The following FCHSD1 variants were observed in gnomAD, a reference collection of about 807,000 sequenced individuals.
The protein encoded by FCHSD1 is F-BAR and double SH3 domains protein 1.
In FCHSD1, 109 loss-of-function variants were observed where a neutral mutation model predicts 101.3. The observed-to-expected ratio is 1.08, with a 90% CI of 0.92 to 1.26. The LOEUF is 1.26. Ranked by LOEUF, FCHSD1 falls within the 50% of genes most tolerant of loss-of-function variation. FCHSD1 has a pLI of 0.00. For synonymous variants in FCHSD1, 291 were observed against 356.8 expected, an observed-to-expected ratio of 0.82 and a Z score of 2.08; for missense variants, 820 against 895.8, an observed-to-expected ratio of 0.92 and a Z score of 1.08.
Position 141,647,182 on chromosome 5 carries a change from A to G in FCHSD1, c.877T>C (p.Phe293Leu), listed in dbSNP as rs1432195146. 3.1e-6 allele frequency: 5 copies of G among 1,609,990 alleles called. No homozygotes were observed. Among genetic ancestry groups the G allele is most frequent in the East Asian group, 4.5e-5 (2 of 44,836 alleles). ...LKLFLQEPGV[F>L]SPTPPQQFQP... is the part of the protein sequence containing the mutation. ...AACTGCTGAGGTGGGGTGGGGGAAA[A>G]TACACCAGGCTCCTGAAGAAACAGC... Residue 293 changes from phenylalanine to leucine, a missense_variant, in exon 10 of 20, where the codon TTT (phenylalanine) becomes CTT (leucine). By Grantham distance (22) the Phe-to-Leu change is conservative. Transcript: ENST00000435817.
In FCHSD1 at chr5:141,645,756, G is replaced by C; in HGVS notation, c.1311+15C>G. 1 of 1,608,030 alleles carries C rather than the reference G, an allele frequency of 6.2e-7. No homozygotes were observed. The highest frequency in any genetic ancestry group is 8.5e-7 in the Non-Finnish European group (1 of 1,176,610). ...CTTCTAAGTAAGGATGGGTAGTGTT[G>C]GGGGAGGAGCTCACGGTTGGAGAGA... On this transcript the variant is annotated intron_variant, in intron 13 of 19. Transcript: ENST00000435817.
chr5:141,649,547 A>G lies in FCHSD1; in HGVS notation c.234-11T>C. The G allele has an allele frequency of 1.9e-6, 3 of 1,609,436 alleles. No homozygotes were observed. Among genetic ancestry groups the G allele is most frequent in the Non-Finnish European group, 1.7e-6 (2 of 1,178,620 alleles). On this transcript the variant is annotated splice_polypyrimidine_tract_variant and intron_variant, in intron 4 of 19. Transcript: ENST00000435817. The surrounding 1 kb of genome is among the most constrained non-coding windows in gnomAD (Gnocchi z 4.1). ...AACACTGTCCTGCCCCTCCCCAGAG[A>G]AGGTCTGTGTTGAGGAGGAGAGCAC...
intron 17 of FCHSD1, among the ~76,000 whole-genome samples, chr5:141,643,368 G>T (rs556582702): frequency 1.3e-4 from 20 of 152,116 alleles, no homozygotes; most frequent in Non-Finnish European, 2.9e-4. Context: ...TTAATAATAT[G>T]ACTCCTATGT....
chr5:141,644,080 A>C, intron 17 of FCHSD1, 138 bp downstream of exon 17: 1 of 807,694 alleles, frequency 1.2e-6, no homozygotes, highest in Non-Finnish European at 1.9e-6. Flanking sequence ...GCCCCCCCAT[A>C]GGAGATGGGA....
intron 13 of FCHSD1, among the ~76,000 whole-genome samples, chr5:141,645,557 C>A (rs944112201): frequency 1.3e-5 from 2 of 152,196 alleles, no homozygotes; most frequent in African/African-American, 4.8e-5. Flanking sequence ...CCCCAGAACC[C>A]TACTTCTTAA....
rs1260276502 is a variant in FCHSD1 at position 141,649,006 on chromosome 5, T to A, written c.527A>T (p.Asp176Val). The A allele has an allele frequency of 1.2e-6, 2 of 1,613,964 alleles. No individual in the cohort carries two copies. Among genetic ancestry groups the A allele is most frequent in the Admixed American group, 3.3e-5 (2 of 60,014 alleles). Reference protein sequence around the residue: ...ADVQARLNRSDHGIFHSRTSL... With the variant: ...ADVQARLNRSVHGIFHSRTSL... ...GGTCCGAGAGTGGAAGATCCCATGG[T>A]CACTTCGGTTTAGCCTGTGCAGATG... The change falls in exon 7 of 20, where the codon GAC becomes GTC. Residue 176 changes from aspartate to valine, a missense_variant. Asp to Val is a radical substitution (Grantham distance 152, BLOSUM62 -3). Coordinates refer to ENST00000435817, the MANE Select transcript of FCHSD1 (RefSeq NM_033449.3). The surrounding 1 kb of genome is among the most constrained non-coding windows in gnomAD (Gnocchi z 4.1).
In FCHSD1 at chr5:141,639,451, C is replaced by G; in HGVS notation, c.*2047G>C. On this transcript the variant is annotated 3_prime_UTR_variant, in exon 20 of 20. Transcript: ENST00000435817. This position sits in a 1 kb window ranked among gnomAD's most constrained non-coding sequence, Gnocchi z 4.4. ...GAAATGTTACCCTCACTCCCCTCCTCCCTGCTGTCCAGTGTGGATGCCACC... is the reference window on the plus strand; with the variant it reads ...GAAATGTTACCCTCACTCCCCTCCTGCCTGCTGTCCAGTGTGGATGCCACC... 1 of 1,590,286 alleles carries G rather than the reference C, an allele frequency of 6.3e-7. No individual in the cohort carries two copies. Among genetic ancestry groups the G allele is most frequent in the Non-Finnish European group, 8.6e-7 (1 of 1,165,340 alleles).
intron 18 of FCHSD1, 170 bp from the exon 19 acceptor site, chr5:141,641,927 C>T (rs550527850): frequency 3.0e-5 from 21 of 703,496 alleles, no homozygotes; most frequent in Admixed American, 4.7e-5. Context: ...TGGGCAACTG[C>T]TGTATAATCA....
At position 141,649,438 on chromosome 5, in the gene FCHSD1, G is replaced by A. The variant is rs752792352; in HGVS notation, c.332C>T (p.Ala111Val). The change falls in exon 5 of 20, where the codon GCA (alanine) becomes GTA (valine). Residue 111 changes from alanine to valine, a missense_variant. Physicochemically the swap from Ala to Val is moderately conservative, Grantham distance 64. Coordinates refer to ENST00000435817, the MANE Select transcript of FCHSD1 (RefSeq NM_033449.3). The surrounding 1 kb of genome is among the most constrained non-coding windows in gnomAD (Gnocchi z 4.1). ...CTTGGCGCTCCGCCCTGTACCCCCTGCTAGGTCACGGTATCGGTCAGACGC... is the reference window on the plus strand; with the variant it reads ...CTTGGCGCTCCGCCCTGTACCCCCTACTAGGTCACGGTATCGGTCAGACGC... ...LQASDRYRDL[A>V]GGTGRSAKEQ... 31 of 1,613,880 alleles carry A rather than the reference G, an allele frequency of 1.9e-5. No homozygotes were observed. The Admixed American group carries it at 3.7e-4, about 19-fold the overall frequency.
intron 12 of FCHSD1, 73 bp from the exon 13 acceptor site, chr5:141,646,005 C>T (rs879226840): frequency 1.3e-6 from 2 of 1,540,090 alleles, no homozygotes; most frequent in Non-Finnish European, 8.8e-7. Context: ...TCCCTTCCTT[C>T]CTCCCACCAT....
Position 141,641,052 on chromosome 5 carries a change from G to A in FCHSD1, c.*446C>T, listed in dbSNP as rs1018129244. 10 of 335,582 alleles carry A rather than the reference G, an allele frequency of 3.0e-5. No individual in the cohort carries two copies. The highest frequency in any genetic ancestry group is 2.0e-4 in the East Asian group (4 of 20,490). 20.8% of individuals were successfully genotyped at this position (335,582 alleles called of 1,614,324 possible). A position where few individuals can be genotyped will look rare whatever the true frequency, so the allele number is the denominator to read the frequency against. ...CCCTTTATTCATTGTCAATAAATCCGCTCAGACCATTACAGCTGCTTCGCA... is the reference window on the plus strand; with the variant it reads ...CCCTTTATTCATTGTCAATAAATCCACTCAGACCATTACAGCTGCTTCGCA... On this transcript the variant is annotated 3_prime_UTR_variant, in exon 20 of 20. Coordinates refer to ENST00000435817, the MANE Select transcript of FCHSD1 (RefSeq NM_033449.3).
rs2099907639 is a variant in FCHSD1 at position 141,646,264 on chromosome 5, T to C, written c.1045-73A>G. 4.5e-6 allele frequency: 6 copies of C among 1,323,422 alleles called. No individual in the cohort carries two copies. The Middle Eastern group carries it at 5.4e-4, about 118-fold the overall frequency. 82.0% of individuals were successfully genotyped at this position (1,323,422 alleles called of 1,614,324 possible). On this transcript the variant is annotated intron_variant, in intron 11 of 19. Coordinates refer to ENST00000435817, the MANE Select transcript of FCHSD1 (RefSeq NM_033449.3). ...ATGACTTACTATGGGACTGGTACTT[T>C]GCTAGTTGCATCACATACATTATGT... is the stretch of plus-strand genomic sequence containing the variant.
chr5:141,640,875 G>A lies in FCHSD1; in HGVS notation c.*623C>T. ...CTCCTTCCCCTGCCTGCAACAGGCT[G>A]CCTGCCCCGCCTTCCCCAACACCTC... is the stretch of plus-strand genomic sequence containing the variant. On this transcript the variant is annotated 3_prime_UTR_variant, in exon 20 of 20. Coordinates refer to ENST00000435817, the MANE Select transcript of FCHSD1 (RefSeq NM_033449.3). 3.4e-6 allele frequency: 2 copies of A among 587,396 alleles called. No homozygotes were observed. The highest frequency in any genetic ancestry group is 6.0e-6 in the Non-Finnish European group (2 of 332,728). 36.4% of individuals were successfully genotyped at this position (587,396 alleles called of 1,614,324 possible).
Position 141,648,985 on chromosome 5 carries a change from C to T in FCHSD1, c.548G>A (p.Arg183Gln), listed in dbSNP as rs1287682299. Reference sequence around the variant, plus strand: ...GGTGCTCAGTTTCTGGAGACTGGTCCGAGAGTGGAAGATCCCATGGTCACT... The same window carrying T: ...GGTGCTCAGTTTCTGGAGACTGGTCTGAGAGTGGAAGATCCCATGGTCACT... ...NRSDHGIFHS[R>Q]TSLQKLSTKL... Residue 183 changes from arginine (R) to glutamine (Q), a missense_variant, in exon 7 of 20, where the codon CGG becomes CAG. Physicochemically the swap from Arg to Gln is conservative, Grantham distance 43. Coordinates refer to ENST00000435817, the MANE Select transcript of FCHSD1 (RefSeq NM_033449.3). 15 of 1,613,774 alleles carry T rather than the reference C, an allele frequency of 9.3e-6. No homozygotes were observed. The highest frequency in any genetic ancestry group is 6.7e-5 in the African/African-American group (5 of 74,868).
intron 13 of FCHSD1, among the ~76,000 whole-genome samples, chr5:141,645,517 G>A (rs2099907542): frequency 6.6e-6 from 1 of 152,200 alleles, no homozygotes; most frequent in Non-Finnish European, 1.5e-5. Context: ...CATAAGTGGA[G>A]TGGCTGGTAC....
At position 141,641,009 on chromosome 5, in the gene FCHSD1, C is replaced by T. The variant is rs1202945848; in HGVS notation, c.*489G>A. 18 of 403,730 alleles carry T rather than the reference C, an allele frequency of 4.5e-5. No individual in the cohort carries two copies. The highest frequency in any genetic ancestry group is 3.2e-4 in the Admixed American group (8 of 24,798). 25.0% of individuals were successfully genotyped at this position (403,730 alleles called of 1,614,324 possible). On this transcript the variant is annotated 3_prime_UTR_variant, in exon 20 of 20. Coordinates refer to ENST00000435817, the MANE Select transcript of FCHSD1 (RefSeq NM_033449.3). ...CCCTCTTAGCACAAGAGGCCCAGGC[C>T]CTGGCCTGGCCTTCGTGCCCTTTAT...
chr5:141,645,763 G>A lies in FCHSD1; in HGVS notation c.1311+8C>T. On this transcript the variant is annotated splice_region_variant and intron_variant, in intron 13 of 19. Transcript: ENST00000435817. ...GTAAGGATGGGTAGTGTTGGGGGAG[G>A]AGCTCACGGTTGGAGAGAGGTCCCT... 2 of 1,609,280 alleles carry A rather than the reference G, an allele frequency of 1.2e-6. No homozygotes were observed. The highest frequency in any genetic ancestry group is 8.5e-7 in the Non-Finnish European group (1 of 1,177,266).
Position 141,640,898 on chromosome 5 carries a change from C to T in FCHSD1, c.*600G>A, listed in dbSNP as rs978979249. On this transcript the variant is annotated 3_prime_UTR_variant, in exon 20 of 20. Coordinates refer to ENST00000435817, the MANE Select transcript of FCHSD1 (RefSeq NM_033449.3). ...CTGCCTGCCCCGCCTTCCCCAACAC[C>T]TCGCTCCATATGATAGAGCGTGGCA... 3.4e-6 allele frequency: 2 copies of T among 581,994 alleles called. No individual in the cohort carries two copies. Among genetic ancestry groups the T allele is most frequent in the Non-Finnish European group, 6.1e-6 (2 of 328,518 alleles). The allele number at this position is 581,994 out of a possible 1,614,324, so 36.1% of individuals were successfully genotyped here.
rs2099907159 is a variant in FCHSD1 at position 141,643,067 on chromosome 5, G to A, written c.1885C>T (p.Pro629Ser). 1 of 1,518,580 alleles carries A rather than the reference G, an allele frequency of 6.6e-7. No individual in the cohort carries two copies. Among genetic ancestry groups the A allele is most frequent in the Admixed American group, 2.3e-5 (1 of 44,422 alleles). 94.1% of individuals were successfully genotyped at this position (1,518,580 alleles called of 1,614,324 possible). ...GTAGGTGCAGGTGGGGAGAAGCTGGGAGGAGAAGGGGACGGCAGCATCTGG... is the reference window on the plus strand; with the variant it reads ...GTAGGTGCAGGTGGGGAGAAGCTGGAAGGAGAAGGGGACGGCAGCATCTGG... ...PEQMLPSPSPPSFSPPAPTSV... is the reference protein window; with the variant it reads ...PEQMLPSPSPSSFSPPAPTSV... The change falls in exon 18 of 20, where the codon CCC (proline) becomes TCC (serine). Residue 629 changes from proline (P) to serine (S), a missense_variant. Coordinates refer to ENST00000435817, the MANE Select transcript of FCHSD1 (RefSeq NM_033449.3).
Sources: allele counts gnomAD v4.1 joint callset (sites outside exome capture counted in the v4.1 genomes callset), GRCh38; gene constraint gnomAD v4.1.1; non-coding constraint Gnocchi (gnomAD v3.1); transcripts MANE v1.5; gene names NCBI Gene and HGNC (gene_info 2026-07-23, HGNC 2026-07-21).